The following RPRD2 variants were observed in gnomAD, a reference collection of about 807,000 sequenced individuals.
The protein encoded by RPRD2 is regulation of nuclear pre-mRNA domain containing 2, also known as regulation of nuclear pre-mRNA domain-containing protein 2.
In RPRD2, 12 loss-of-function variants were observed where a neutral mutation model predicts 104.4. The ratio of observed to expected loss-of-function variants is 0.11; its 90% CI spans 0.07 to 0.19. The LOEUF is 0.19. Ranked by LOEUF, RPRD2 falls within the 10% of genes least tolerant of loss-of-function variation. The pLI, the probability that RPRD2 is intolerant of heterozygous loss-of-function variation, is 1.00. For synonymous variants in RPRD2, 714 were observed against 684.9 expected, an observed-to-expected ratio of 1.04 and a Z score of -0.66; for missense variants, 1,543 against 1,790.1, an observed-to-expected ratio of 0.86 and a Z score of 2.49.
In RPRD2 at chr1:150,364,684, A is replaced by T. The variant is rs1659694169; in HGVS notation, c.-31A>T. 3.0e-6 allele frequency: 4 copies of T among 1,331,252 alleles called. No homozygotes were observed. Among genetic ancestry groups the T allele is most frequent in the Non-Finnish European group, 4.1e-6 (4 of 974,916 alleles). 82.5% of individuals were successfully genotyped at this position (1,331,252 alleles called of 1,614,324 possible). On this transcript the variant is annotated 5_prime_UTR_variant, in exon 1 of 11. Transcript: ENST00000369068. ...CCGCCGCCGCCGCCGCCGCCGCCAGAGGAGCAGCAGCGCTTGTGCAAACCG... is the reference window on the plus strand; with the variant it reads ...CCGCCGCCGCCGCCGCCGCCGCCAGTGGAGCAGCAGCGCTTGTGCAAACCG...
intron 1 of RPRD2, among the ~76,000 whole-genome samples, chr1:150,403,845 A>G (rs748277305): frequency 1.3e-5 from 2 of 151,930 alleles, no homozygotes; most frequent in African/African-American, 2.4e-5. Context: ...GGTTGCCCAA[A>G]CTGGCCTGAA....
Position 150,364,873 on chromosome 1 carries a change from A to C in RPRD2, c.159A>C (p.Lys53Asn). Residue 53 changes from lysine (K) to asparagine (N), a missense_variant, in exon 1 of 11, where the codon AAA becomes AAC. Around this residue, in one of 4 missense-constraint regions of RPRD2, gnomAD observed 88 missense variants for 96.6 expected, o/e 0.91. Transcript: ENST00000369068. ...GLSSWCIENK[K>N]HHSTIVYHWM... ...CGTCTTGGTGTATAGAGAACAAAAA[A>C]CACCACAGTACTATCGTCTATCATT... is the stretch of plus-strand genomic sequence containing the variant. 6.2e-7 allele frequency: 1 copy of C among 1,614,022 alleles called. No individual in the cohort carries two copies. Among genetic ancestry groups the C allele is most frequent in the East Asian group, 2.2e-5 (1 of 44,886 alleles).
intron 1 of RPRD2, among the ~76,000 whole-genome samples, chr1:150,367,816 G>A (rs1290458311): frequency 6.6e-6 from 1 of 151,392 alleles, no homozygotes; most frequent in Non-Finnish European, 1.5e-5. Flanking sequence ...TCCACCTCCA[G>A]GGTTCAAGCA....
intron 1 of RPRD2, among the ~76,000 whole-genome samples, chr1:150,393,425 C>G (rs1322535524): frequency 7.6e-6 from 1 of 132,148 alleles, no homozygotes; most frequent in Non-Finnish European, 1.5e-5. Flanking sequence ...CCACTGCACT[C>G]TAGCCTGGGC....
chr1:150,444,104 G>A, intron 5 of RPRD2, 147 bp from the exon 6 acceptor site: 4 of 695,562 alleles, frequency 5.8e-6, no homozygotes, highest in Non-Finnish European at 9.2e-6. Flanking sequence ...ATGAGAAAAA[G>A]TGAAAAGTTT....
rs188329544 is a variant in RPRD2, at chr1:150,402,996, G to T, written c.206-14600G>T. ...AAAAACAAAAACAAAAAAGATCCCCGTTTCAGAAAAGCAAAGAAAATGTGG... is the reference window on the plus strand; with the variant it reads ...AAAAACAAAAACAAAAAAGATCCCCTTTTCAGAAAAGCAAAGAAAATGTGG... On this transcript the variant is annotated intron_variant, in intron 1 of 10. Coordinates refer to ENST00000369068, the MANE Select transcript of RPRD2 (RefSeq NM_015203.5). Among the ~76,000 whole-genome samples, 26 of 151,450 alleles carry T rather than the reference G, an allele frequency of 1.7e-4. No individual in the cohort carries two copies. The East Asian group carries it at 2.5e-3, about 15-fold the overall frequency.
chr1:150,439,627 CTTTTT>C, intron 2 of RPRD2, among the ~76,000 whole-genome samples: 2 of 142,296 alleles, frequency 1.4e-5, no homozygotes, highest in East Asian at 4.1e-4. Flanking sequence ...TTTGACATAG[CTTTTT>C]TTTTTTTTTG....
chr1:150,389,327 G>A (rs1243868727), intron 1 of RPRD2, among the ~76,000 whole-genome samples: 1 of 152,204 alleles, frequency 6.6e-6, no homozygotes, highest in African/African-American at 2.4e-5. Context: ...TGGGATTACA[G>A]GTGTGAGCCA....
intron 10 of RPRD2, among the ~76,000 whole-genome samples, chr1:150,468,654 A>G (rs587647524): frequency 7.2e-5 from 11 of 152,320 alleles, no homozygotes; most frequent in Admixed American, 5.9e-4. Context: ...AAGTGGGACA[A>G]TCACTTGAGC....
At chr1:150,387,442 G>A (rs114197664) in intron 1 of RPRD2, among the ~76,000 whole-genome samples, 2,582 of 152,112 alleles carry the variant, frequency 0.017, 74 homozygotes, top group African/African-American at 0.057. Context: ...TTGCCAGAGG[G>A]AAGGAGCATG....
At chr1:150,396,532 TTAAGG>T (rs1245987606) in intron 1 of RPRD2, among the ~76,000 whole-genome samples, 1 of 152,208 alleles carries the variant, frequency 6.6e-6, no homozygotes, top group African/African-American at 2.4e-5. Flanking sequence ...TTTATTTTGT[TTAAGG>T]TAAGAGATGA....
intron 1 of RPRD2, 112 bp from the exon 2 acceptor site, chr1:150,417,484 G>T: frequency 3.7e-6 from 3 of 800,488 alleles, no homozygotes; most frequent in Non-Finnish European, 3.5e-6. Flanking sequence ...TTATATCCAT[G>T]TAAGAAAAAA....
intron 1 of RPRD2, among the ~76,000 whole-genome samples, chr1:150,411,619 C>T (rs1168421884): frequency 2.4e-5 from 3 of 124,968 alleles, no homozygotes; most frequent in East Asian, 4.2e-4. Flanking sequence ...GATGAAACCC[C>T]GTCTCTACTG....
intron 5 of RPRD2, among the ~76,000 whole-genome samples, chr1:150,443,733 C>T (rs587754401): frequency 1.4e-4 from 22 of 152,020 alleles, no homozygotes; most frequent in Admixed American, 5.9e-4. Flanking sequence ...AGGCTGGGCG[C>T]GGTGGCTCAC....
At chr1:150,464,471 C>T (rs149122001) in intron 9 of RPRD2, 56 bp from the exon 10 acceptor site, 3 of 1,377,028 alleles carry the variant, frequency 2.2e-6, no homozygotes, top group East Asian at 2.5e-5. Context: ...GGGGAAGTAT[C>T]GGAAATTGAA....
chr1:150,460,728 ATT>A (rs781841942), intron 9 of RPRD2, among the ~76,000 whole-genome samples: 2 of 125,654 alleles, frequency 1.6e-5, no homozygotes, highest in Admixed American at 8.2e-5. Context: ...TTAATTAATG[ATT>A]TTTTTTTTTT....
At chr1:150,385,990 G>A (rs1419356120) in intron 1 of RPRD2, among the ~76,000 whole-genome samples, 1 of 152,050 alleles carries the variant, frequency 6.6e-6, no homozygotes, top group Non-Finnish European at 1.5e-5. Context: ...AGGTAAGTAG[G>A]GTAGAGTTTG....
chr1:150,385,019 T>C (rs1661459193), intron 1 of RPRD2, among the ~76,000 whole-genome samples: 1 of 151,614 alleles, frequency 6.6e-6, no homozygotes, highest in Non-Finnish European at 1.5e-5. Context: ...ATAGCAAGAC[T>C]CCATCTCTTA....
chr1:150,416,983 G>A (rs781995017), intron 1 of RPRD2, among the ~76,000 whole-genome samples: 2 of 152,158 alleles, frequency 1.3e-5, no homozygotes, highest in Admixed American at 6.6e-5. Context: ...AGCAGCAGCA[G>A]AGCCTCCCTC....
Sources: gnomAD v4.1 joint callset for allele counts (sites outside exome capture counted in the v4.1 genomes callset) on GRCh38, gnomAD v4.1.1 for gene constraint, gnomAD v4.1.1 regional missense constraint, MANE v1.5 for transcripts, NCBI Gene and HGNC (gene_info 2026-07-23, HGNC 2026-07-21) for gene names.